ARHGAP21: variants seen among roughly 807,000 people sequenced by gnomAD.
The protein encoded by ARHGAP21 is Rho GTPase activating protein 21.
Under a neutral mutation model 164.6 loss-of-function variants are expected in ARHGAP21, and 38 were observed. The ratio of observed to expected loss-of-function variants is 0.23; its 90% CI spans 0.18 to 0.30. The LOEUF is 0.30. Ranked by LOEUF, ARHGAP21 falls within the 10% of genes least tolerant of loss-of-function variation. The pLI is 1.00. For synonymous variants in ARHGAP21, 766 were observed against 857.9 expected (o/e 0.89, Z 1.87); for missense variants, 1,822 against 2,370.7 (o/e 0.77, Z 4.81).
chr10:24,589,192 G>T, intron 25 of ARHGAP21, 79 bp downstream of exon 25: 2 of 1,197,198 alleles, frequency 1.7e-6, no homozygotes, highest in Non-Finnish European at 2.5e-6. Context: ...AGAGAGGAAT[G>T]CATTTGTGTA....
rs544401065 is a variant in ARHGAP21 at position 24,677,878 on chromosome 10, C to T, written c.64-7481G>A. Among the ~76,000 whole-genome samples the T allele has an allele frequency of 6.6e-5, 10 of 152,232 alleles. 1 individual carries two copies. Among genetic ancestry groups the T allele is most frequent in the Admixed American group, 3.3e-4 (5 of 15,286 alleles). ...AACCTTGTTCCACAGAGTAGATACA[C>T]GGATGAATAAAATAGTCATTAAAAT... On this transcript the variant is annotated intron_variant, in intron 2 of 25. Coordinates refer to ENST00000396432, the MANE Select transcript of ARHGAP21 (RefSeq NM_020824.4).
chr10:24,594,384 G>A (rs2076482490), intron 21 of ARHGAP21, among the ~76,000 whole-genome samples: 1 of 152,174 alleles, frequency 6.6e-6, no homozygotes, highest in African/African-American at 2.4e-5. Context: ...GGTGGCTCAT[G>A]CCTATAATCC....
At chr10:24,707,043 C>T (rs142243213) in intron 2 of ARHGAP21, among the ~76,000 whole-genome samples, 22 of 152,262 alleles carry the variant, frequency 1.4e-4, no homozygotes, top group Non-Finnish European at 2.9e-4. Flanking sequence ...AAGGGTACTC[C>T]GTCCTTTCTT....
chr10:24,604,962 A>T (rs1370436541), intron 11 of ARHGAP21, among the ~76,000 whole-genome samples: 1 of 152,204 alleles, frequency 6.6e-6, no homozygotes, highest in African/African-American at 2.4e-5. Context: ...AACTTTTATT[A>T]AGGGACAATA....
intron 22 of ARHGAP21, 28 bp from the exon 23 acceptor site, chr10:24,591,711 A>G (rs1014998706): frequency 1.2e-6 from 2 of 1,612,884 alleles, no homozygotes; most frequent in Admixed American, 1.7e-5. Flanking sequence ...TGAGAAGAGA[A>G]ATTAAACAAG....
intron 4 of ARHGAP21, among the ~76,000 whole-genome samples, chr10:24,660,780 CTGAA>C (rs1839605917): frequency 1.3e-5 from 2 of 152,314 alleles, no homozygotes; most frequent in South Asian, 2.1e-4. Flanking sequence ...ATCCTCCTCT[CTGAA>C]TATTTCCTTT....
Position 24,591,870 on chromosome 10 carries a change from A to T in ARHGAP21, c.4002+17T>A. 6.2e-7 allele frequency: 1 copy of T among 1,600,448 alleles called. No homozygotes were observed. The highest frequency in any genetic ancestry group is 8.5e-7 in the Non-Finnish European group (1 of 1,174,968). On this transcript the variant is annotated intron_variant, in intron 22 of 25. Coordinates refer to ENST00000396432, the MANE Select transcript of ARHGAP21 (RefSeq NM_020824.4). ...AGAGATGAAGCATGAACTTACAGAG[A>T]TGAAGCATGAACTTACGTGCTGGAT...
intron 2 of ARHGAP21, among the ~76,000 whole-genome samples, chr10:24,698,923 A>C (rs1843400281): frequency 6.6e-6 from 1 of 152,222 alleles, no homozygotes; most frequent in African/African-American, 2.4e-5. Flanking sequence ...CCAACTCACA[A>C]TATATTTGTA....
chr10:24,692,303 T>C (rs923179316), intron 2 of ARHGAP21, among the ~76,000 whole-genome samples: 14 of 152,208 alleles, frequency 9.2e-5, no homozygotes, highest in Non-Finnish European at 2.1e-4. Context: ...GTCTATCATA[T>C]GATACCTATA....
intron 2 of ARHGAP21, among the ~76,000 whole-genome samples, chr10:24,697,933 G>C (rs1168619592): frequency 6.6e-6 from 1 of 152,172 alleles, no homozygotes. Context: ...AGAGCCAGTA[G>C]TGTCAGAGTC....
rs377732314 is a variant in ARHGAP21, at chr10:24,585,857, T to C, written c.4432A>G (p.Ser1478Gly). 1 of 1,613,912 alleles carries C rather than the reference T, an allele frequency of 6.2e-7. No homozygotes were observed. Among genetic ancestry groups the C allele is most frequent in the Non-Finnish European group, 8.5e-7 (1 of 1,179,896 alleles). ...GTCGTGCTGGGGTCTTTCCTAGTGC[T>C]GTTTTCTTTGGCAATGATGATCTTC... ...KQKIIIAKEN[S>G]TRKDPSTTKD... Residue 1478 changes from serine to glycine, a missense_variant, in exon 26 of 26, where the codon AGC (serine) becomes GGC (glycine). Around this residue, in one of 5 missense-constraint regions of ARHGAP21, gnomAD observed 333 missense variants for 383.9 expected, o/e 0.87. Coordinates refer to ENST00000396432, the MANE Select transcript of ARHGAP21 (RefSeq NM_020824.4).
intron 19 of ARHGAP21, 47 bp downstream of exon 19, chr10:24,595,670 G>T (rs1422218536): frequency 1.9e-6 from 3 of 1,548,128 alleles, no homozygotes; most frequent in African/African-American, 2.7e-5. Context: ...TTTTCCAATT[G>T]TAACTTGAAC....
intron 4 of ARHGAP21, among the ~76,000 whole-genome samples, chr10:24,656,394 G>A (rs1838934275): frequency 1.9e-5 from 2 of 103,216 alleles, no homozygotes; most frequent in Non-Finnish European, 4.1e-5. Context: ...GGAGGTGGGG[G>A]GGTCAGCCCT....
chr10:24,586,697 A>G (rs1003074332), intron 25 of ARHGAP21, among the ~76,000 whole-genome samples: 2 of 152,228 alleles, frequency 1.3e-5, no homozygotes, highest in African/African-American at 4.8e-5. Context: ...GATCTGCCTT[A>G]AGTAAATCAG....
At chr10:24,674,799 G>T (rs1841055413) in intron 2 of ARHGAP21, among the ~76,000 whole-genome samples, 1 of 152,084 alleles carries the variant, frequency 6.6e-6, no homozygotes, top group Admixed American at 6.6e-5. Context: ...GAATATATTT[G>T]CAAATCATGT....
chr10:24,609,432 G>T (rs775174945), intron 9 of ARHGAP21, among the ~76,000 whole-genome samples: 1 of 152,146 alleles, frequency 6.6e-6, no homozygotes. Context: ...ATACTCACCT[G>T]TTCTAAAGGA....
At chr10:24,675,290 T>TA (rs773258597) in intron 2 of ARHGAP21, among the ~76,000 whole-genome samples, 8 of 152,180 alleles carry the variant, frequency 5.3e-5, no homozygotes, top group Non-Finnish European at 1.0e-4. Flanking sequence ...TAGGCTGAGT[T>TA]AAAGAACCCA....
chr10:24,621,434 A>G (rs2131197366), intron 8 of ARHGAP21, 65 bp from the exon 9 acceptor site: 2 of 1,393,300 alleles, frequency 1.4e-6, no homozygotes, highest in Non-Finnish European at 1.9e-6. Flanking sequence ...TTCCATTTTT[A>G]CAGTGCACTA....
intron 2 of ARHGAP21, among the ~76,000 whole-genome samples, chr10:24,719,452 G>A (rs1845713797): frequency 6.6e-6 from 1 of 152,160 alleles, no homozygotes; most frequent in South Asian, 2.1e-4. Context: ...AGAGAAGGTG[G>A]AGTTGGCTAA....
Sources: allele counts gnomAD v4.1 joint callset (sites outside exome capture counted in the v4.1 genomes callset), GRCh38; gene constraint gnomAD v4.1.1; regional missense constraint gnomAD v4.1.1; transcripts MANE v1.5; gene names NCBI Gene and HGNC (gene_info 2026-07-23, HGNC 2026-07-21).